Variants in NT5DC4 observed in about 807,000 individuals in gnomAD.
NT5DC4 encodes the protein 5'-nucleotidase domain-containing protein 4.
In NT5DC4, 44 loss-of-function variants were observed where a neutral mutation model predicts 26.6. The observed-to-expected ratio is 1.65, with a 90% CI of 1.30 to 2.13. The LOEUF is 2.13. Ranked by LOEUF, NT5DC4 falls within the 30% of genes most tolerant of loss-of-function variation. NT5DC4 has a pLI of 0.00. For synonymous variants in NT5DC4, 157 were observed against 86.7 expected (o/e 1.81, Z -4.51); for missense variants, 399 against 228.1 (o/e 1.75, Z -4.83).
downstream of NT5DC4, chr2:112,742,738 T>C: frequency 6.2e-7 from 1 of 1,609,292 alleles, no homozygotes; most frequent in Non-Finnish European, 8.5e-7. Flanking sequence ...TTGCAAGATA[T>C]TAAGAACAAC....
chr2:112,726,402 G>T lies in NT5DC4; in HGVS notation c.1205+113G>T. 6 of 694,444 alleles carry T rather than the reference G, an allele frequency of 8.6e-6. No homozygotes were observed. In the South Asian group the frequency reaches 9.5e-5, roughly 11 times the overall value. The allele number at this position is 694,444 out of a possible 1,614,324, so 43.0% of individuals were successfully genotyped here. A position where few individuals can be genotyped will look rare whatever the true frequency, so the allele number is the denominator to read the frequency against. On this transcript the variant is annotated intron_variant, in intron 14 of 16. Coordinates refer to ENST00000688554, the MANE Select transcript of NT5DC4 (RefSeq NM_001393655.1). ...CCGGCCAAGGTTGTCAGAACATCAA[G>T]ATCTGTTTCAGGCTGGGCTTCCCTA...
At position 112,725,606 on chromosome 2, in the gene NT5DC4, G is replaced by T. The variant is rs1228814029; in HGVS notation, c.1153+54G>T. 1.1e-5 allele frequency: 7 copies of T among 623,232 alleles called. No homozygotes were observed. In the Admixed American group the frequency reaches 1.6e-4, roughly 14 times the overall value. The allele number at this position is 623,232 out of a possible 1,614,324, so 38.6% of individuals were successfully genotyped here. A position where few individuals can be genotyped will look rare whatever the true frequency, so the allele number is the denominator to read the frequency against. On this transcript the variant is annotated intron_variant, in intron 13 of 16. Coordinates refer to ENST00000688554, the MANE Select transcript of NT5DC4 (RefSeq NM_001393655.1). ...AGGGGCACTGGCCTCCCATGCAGAGGCCCCAGCACTGCCTTCTCCTTTTTC... is the reference window on the plus strand; with the variant it reads ...AGGGGCACTGGCCTCCCATGCAGAGTCCCCAGCACTGCCTTCTCCTTTTTC...
chr2:112,719,738 C>T (rs1023196493), upstream of NT5DC4, among the ~76,000 whole-genome samples: 37 of 151,866 alleles, frequency 2.4e-4, no homozygotes, highest in Non-Finnish European at 4.6e-4. Context: ...CCCGCCTTGG[C>T]CTCCCAAAGT....
downstream of NT5DC4, among the ~76,000 whole-genome samples, chr2:112,741,218 C>T (rs1250734892): frequency 1.3e-5 from 2 of 152,178 alleles, no homozygotes; most frequent in African/African-American, 2.4e-5. Flanking sequence ...AGGCTACCCT[C>T]GTAGCCAGCC....
At chr2:112,723,922 C>T (rs1296369547) in intron 9 of NT5DC4, 120 bp downstream of exon 9, 1 of 689,628 alleles carries the variant, frequency 1.5e-6, no homozygotes, top group African/African-American at 1.8e-5. Context: ...ACCCCCACCA[C>T]TGGGCTGGTC....
chr2:112,728,001 G>A (rs764304889), intron 15 of NT5DC4, among the ~76,000 whole-genome samples: 1 of 152,220 alleles, frequency 6.6e-6, no homozygotes, highest in Non-Finnish European at 1.5e-5. Context: ...AATCTCCACG[G>A]CTGTTTGTGA....
At chr2:112,732,221 T>TAA (rs1558740718) in intron 16 of NT5DC4, among the ~76,000 whole-genome samples, 1,830 of 151,432 alleles carry the variant, frequency 0.012, 31 homozygotes, top group African/African-American at 0.041. Flanking sequence ...TTTTTTTTTT[T>TAA]AAAACATCTT....
At chr2:112,731,706 C>T (rs1020405972) in intron 16 of NT5DC4, 2 of 152,140 alleles carry the variant, frequency 1.3e-5, no homozygotes, top group Admixed American at 6.5e-5. Context: ...CAGTTTACTC[C>T]TACAGTTTAC....
chr2:112,729,647 G>A lies in NT5DC4; in HGVS notation c.1287G>A (p.Val429=), dbSNP rs1413286952. 5.6e-6 allele frequency: 4 copies of A among 717,948 alleles called. No homozygotes were observed. Among genetic ancestry groups the A allele is most frequent in the Non-Finnish European group, 1.0e-5 (4 of 385,176 alleles). 44.5% of individuals were successfully genotyped at this position (717,948 alleles called of 1,614,324 possible). A position where few individuals can be genotyped will look rare whatever the true frequency, so the allele number is the denominator to read the frequency against. The change falls in exon 16 of 17, where the codon GTG becomes GTA. Residue 429 remains valine (V), a synonymous_variant. Coordinates refer to ENST00000688554, the MANE Select transcript of NT5DC4 (RefSeq NM_001393655.1). ...REIQMPHESV[V]EQEQANLDPA... ...TACAGATGCCACATGAGTCAGTTGT[G>A]GAGCAAGAACAGGCCAATCTAGACC...
intron 16 of NT5DC4, among the ~76,000 whole-genome samples, chr2:112,732,076 A>G (rs1346730481): frequency 2.0e-5 from 3 of 151,818 alleles, no homozygotes; most frequent in African/African-American, 4.8e-5. Flanking sequence ...ACACCTGGCT[A>G]ATTTTTGTAT....
In NT5DC4 at chr2:112,723,146, C is replaced by T; in HGVS notation, c.593C>T (p.Thr198Ile). ...TTCCGAAGCCTCTTCCAGGATGTGA[C>T]TGATGCCATGAATAACATCCACCAG... Reference protein sequence around the residue: ...MSFRSLFQDVTDAMNNIHQSG... With the variant: ...MSFRSLFQDVIDAMNNIHQSG... The change falls in exon 7 of 17, where the codon ACT becomes ATT. Residue 198 changes from threonine (T) to isoleucine (I), a missense_variant. Thr to Ile is a moderately conservative substitution (Grantham distance 89). Coordinates refer to ENST00000688554, the MANE Select transcript of NT5DC4 (RefSeq NM_001393655.1). The T allele has an allele frequency of 1.4e-6, 1 of 717,388 alleles. No homozygotes were observed. Among genetic ancestry groups the T allele is most frequent in the Non-Finnish European group, 2.6e-6 (1 of 385,078 alleles). The allele number at this position is 717,388 out of a possible 1,614,324, so 44.4% of individuals were successfully genotyped here. A position where few individuals can be genotyped will look rare whatever the true frequency, so the allele number is the denominator to read the frequency against.
intron 16 of NT5DC4, among the ~76,000 whole-genome samples, chr2:112,733,305 C>T (rs1180390884): frequency 6.6e-6 from 1 of 151,162 alleles, no homozygotes; most frequent in Non-Finnish European, 1.5e-5. Context: ...TTTATCTATA[C>T]CTTAGGGACA....
chr2:112,730,462 G>A (rs1345543552), intron 16 of NT5DC4, among the ~76,000 whole-genome samples: 3 of 152,198 alleles, frequency 2.0e-5, no homozygotes, highest in African/African-American at 7.2e-5. Context: ...GTTGCAGGAT[G>A]TGCCCTCTTC....
At chr2:112,720,369 T>G (rs1326407543), upstream of NT5DC4, among the ~76,000 whole-genome samples, 1 of 152,156 alleles carries the variant, frequency 6.6e-6, no homozygotes, top group African/African-American at 2.4e-5. Context: ...CAGCCTTGTC[T>G]TTCTTTTTAA....
chr2:112,723,631 G>A, intron 8 of NT5DC4, 88 bp from the exon 9 acceptor site: 1 of 686,440 alleles, frequency 1.5e-6, no homozygotes, highest in Non-Finnish European at 2.7e-6. Context: ...GGGCTGGGGT[G>A]GGCTCCCAGA....
chr2:112,741,768 C>CT (rs964437949), downstream of NT5DC4, among the ~76,000 whole-genome samples: 3 of 150,800 alleles, frequency 2.0e-5, no homozygotes, highest in Non-Finnish European at 3.0e-5. Context: ...TAAATCTACT[C>CT]TTTTTTTTTG....
chr2:112,740,228 T>G (rs1182938423), downstream of NT5DC4, among the ~76,000 whole-genome samples: 1 of 152,188 alleles, frequency 6.6e-6, no homozygotes. Context: ...AGTTTAGGAT[T>G]GGAAGAGATT....
intron 16 of NT5DC4, among the ~76,000 whole-genome samples, 171 bp downstream of exon 16, chr2:112,729,875 G>A (rs567216482): frequency 7.9e-5 from 12 of 152,206 alleles, no homozygotes; most frequent in East Asian, 3.9e-4. Flanking sequence ...GTAAAAATGC[G>A]TATTATTTTA....
intron 4 of NT5DC4, 43 bp downstream of exon 4, chr2:112,722,321 A>G (rs1002063081): frequency 1.4e-6 from 1 of 716,222 alleles, no homozygotes; most frequent in South Asian, 1.5e-5. Context: ...CCAGGAGGGG[A>G]GGACTGCTCA....
Sources: allele counts gnomAD v4.1 joint callset (sites outside exome capture counted in the v4.1 genomes callset), GRCh38; gene constraint gnomAD v4.1.1; transcripts MANE v1.5; gene names NCBI Gene and HGNC (gene_info 2026-07-23, HGNC 2026-07-21).